The following GSE1 variants were observed in gnomAD, a reference collection of about 807,000 sequenced individuals.
GSE1 encodes genetic suppressor element 1.
Under a neutral mutation model 112.6 loss-of-function variants are expected in GSE1, and 32 were observed. The observed-to-expected ratio is 0.28, with a 90% CI of 0.21 to 0.38. The LOEUF (loss-of-function observed/expected upper bound fraction) is 0.38, where lower values mean the gene tolerates loss of function less well. GSE1 is among the 10% of genes least tolerant of loss of function. The pLI is 1.00. For synonymous variants in GSE1, 1,115 were observed against 735.6 expected (o/e 1.52, Z -8.35); for missense variants, 2,348 against 1,699.2 (o/e 1.38, Z -6.71).
intron 1 of GSE1, among the ~76,000 whole-genome samples, chr16:85,355,236 C>A (rs934748798): frequency 2.7e-4 from 40 of 146,062 alleles, no homozygotes; most frequent in African/African-American, 7.7e-4. Context: ...AAAAAAAAAA[C>A]AAAAAACCGG....
chr16:85,173,441 T>C (rs951118364), intron 1 of GSE1, among the ~76,000 whole-genome samples: 1 of 152,186 alleles, frequency 6.6e-6, no homozygotes, highest in African/African-American at 2.4e-5. Context: ...GGGGGAAATG[T>C]AAGTTCCCCC....
intron 2 of GSE1, among the ~76,000 whole-genome samples, chr16:85,510,802 C>G (rs898372925): frequency 3.3e-4 from 27 of 81,552 alleles, no homozygotes; most frequent in African/African-American, 1.3e-3. Context: ...CTACTCCTGC[C>G]TCACAGGCCT....
intron 2 of GSE1, among the ~76,000 whole-genome samples, chr16:85,464,878 A>G (rs1487020921): frequency 6.6e-6 from 1 of 152,210 alleles, no homozygotes; most frequent in East Asian, 1.9e-4. Flanking sequence ...GGCCCCTTGC[A>G]GACAGAATGG....
chr16:85,472,015 T>C (rs2050310654), intron 2 of GSE1, among the ~76,000 whole-genome samples: 1 of 152,238 alleles, frequency 6.6e-6, no homozygotes, highest in African/African-American at 2.4e-5. Flanking sequence ...TCCTGGGAGC[T>C]GTCCTGTGCT....
chr16:85,246,200 TACACACACACACACACAC>T (rs545313239), intron 1 of GSE1, among the ~76,000 whole-genome samples: 2 of 89,052 alleles, frequency 2.2e-5, no homozygotes, highest in African/African-American at 5.0e-5. Context: ...TCAGGGACCC[TACACACACACACACACAC>T]ACACACACAC....
At chr16:85,472,690 A>G (rs977604948) in intron 2 of GSE1, among the ~76,000 whole-genome samples, 3 of 152,078 alleles carry the variant, frequency 2.0e-5, no homozygotes, top group South Asian at 2.1e-4. Flanking sequence ...GCTCAGTCTG[A>G]CCCTGCTGCT....
At chr16:85,397,667 C>G (rs1407131467) in intron 2 of GSE1, among the ~76,000 whole-genome samples, 1 of 152,242 alleles carries the variant, frequency 6.6e-6, no homozygotes, top group African/African-American at 2.4e-5. Context: ...GAGGCACCAC[C>G]TGCCATCTGG....
chr16:85,654,130 T>A, intron 3 of GSE1, 148 bp from the exon 4 acceptor site: 1 of 714,818 alleles, frequency 1.4e-6, no homozygotes, highest in Non-Finnish European at 2.3e-6. Context: ...ACATGCACCA[T>A]GTTTTGCGTA....
At chr16:85,570,487 G>A (rs1335550794) in intron 1 of GSE1, among the ~76,000 whole-genome samples, 1 of 152,192 alleles carries the variant, frequency 6.6e-6, no homozygotes, top group East Asian at 1.9e-4. Context: ...AAAAGCATGT[G>A]CGGTTTTATT....
At chr16:85,245,853 C>T (rs2143967981) in intron 1 of GSE1, among the ~76,000 whole-genome samples, 1 of 152,068 alleles carries the variant, frequency 6.6e-6, no homozygotes, top group South Asian at 2.1e-4. Flanking sequence ...CTGGTCCTCA[C>T]TGGGAGTTCT....
chr16:85,277,969 G>A (rs982454050), intron 1 of GSE1, among the ~76,000 whole-genome samples: 3 of 152,272 alleles, frequency 2.0e-5, no homozygotes, highest in Non-Finnish European at 4.4e-5. Context: ...TGCGCACAGA[G>A]GGGAATGGGT....
chr16:85,318,996 C>T (rs2046042286), intron 1 of GSE1, among the ~76,000 whole-genome samples: 1 of 152,190 alleles, frequency 6.6e-6, no homozygotes, highest in Non-Finnish European at 1.5e-5. Context: ...AATGGCGCAT[C>T]ACCTGGTGTC....
chr16:85,639,375 A>G (rs1303441509), intron 2 of GSE1, among the ~76,000 whole-genome samples: 1 of 151,970 alleles, frequency 6.6e-6, no homozygotes, highest in African/African-American at 2.4e-5. Context: ...CAGACACCCA[A>G]CCACCCCCAT....
intron 1 of GSE1, among the ~76,000 whole-genome samples, chr16:85,216,573 A>G (rs766949331): frequency 1.2e-4 from 18 of 152,244 alleles, no homozygotes; most frequent in Non-Finnish European, 2.4e-4. Flanking sequence ...ACTGACGCCT[A>G]TGACCTTCAC....
At chr16:85,315,304 A>T (rs1317911841) in intron 1 of GSE1, among the ~76,000 whole-genome samples, 1 of 152,202 alleles carries the variant, frequency 6.6e-6, no homozygotes, top group African/African-American at 2.4e-5. Context: ...GTCCGGTCTC[A>T]CTTGCCCCTC....
chr16:85,519,474 T>C (rs1488186975), intron 2 of GSE1, among the ~76,000 whole-genome samples: 1 of 6,656 alleles, frequency 1.5e-4, no homozygotes. Context: ...CCATCATCAC[T>C]TTTACCACCA....
At chr16:85,486,429 G>T (rs376728363) in intron 2 of GSE1, among the ~76,000 whole-genome samples, 22 of 152,372 alleles carry the variant, frequency 1.4e-4, no homozygotes, top group African/African-American at 5.0e-4. Flanking sequence ...TTACCTGGCA[G>T]CACAGCTCCC....
rs779348190 is a variant in GSE1 at position 85,663,626 on chromosome 16, C to G, written c.2644+12C>G. On this transcript the variant is annotated intron_variant, in intron 11 of 15. Coordinates refer to ENST00000253458, the MANE Select transcript of GSE1 (RefSeq NM_014615.5). ...TGAGAAGAGGAAAGGTAGGGCCTCG[C>G]CTGGGTAGGAAGGTGGGGGCTCACT... 32 of 1,604,596 alleles carry G rather than the reference C, an allele frequency of 2.0e-5. 1 individual carries two copies. In the African/African-American group the frequency reaches 2.2e-4, roughly 11 times the overall value.
intron 1 of GSE1, chr16:85,285,889 C>G (rs546241787): frequency 6.6e-6 from 1 of 152,264 alleles, no homozygotes; most frequent in Non-Finnish European, 1.5e-5. Flanking sequence ...TCACAAGGAA[C>G]CACGTGGGAA....
Sources: gnomAD v4.1 joint callset for allele counts (sites outside exome capture counted in the v4.1 genomes callset) on GRCh38, gnomAD v4.1.1 for gene constraint, MANE v1.5 for transcripts, NCBI Gene and HGNC (gene_info 2026-07-23, HGNC 2026-07-21) for gene names.